Variants in ACO1 observed in about 807,000 individuals in gnomAD.
ACO1 encodes the protein aconitase 1, also known as cytoplasmic aconitate hydratase.
Under a neutral mutation model 105.1 loss-of-function variants are expected in ACO1, and 78 were observed. That is an observed-to-expected ratio of 0.74 (90% CI 0.62 to 0.90). The LOEUF is 0.90. ACO1 is among the 40% of genes least tolerant of loss of function. The probability of loss-of-function intolerance (pLI) is 0.00; values close to 1 mark genes in which losing one functional copy is unlikely to be tolerated. For missense variants in ACO1, 965 were observed against 1,111.1 expected, an observed-to-expected ratio of 0.87 and a Z score of 1.87; for synonymous variants, 364 against 397.4, an observed-to-expected ratio of 0.92 and a Z score of 1.00.
At chr9:32,405,930 T>C (rs928035261) in intron 2 of ACO1, among the ~76,000 whole-genome samples, 3 of 152,214 alleles carry the variant, frequency 2.0e-5, no homozygotes, top group Non-Finnish European at 2.9e-5. Flanking sequence ...CAATGACACA[T>C]GCTCAGATCA....
In ACO1 at chr9:32,452,965, C is replaced by CG. The variant is rs1554664982; in HGVS notation, c.*2854_*2855insG. On this transcript the variant is annotated 3_prime_UTR_variant, in exon 21 of 21. Coordinates refer to ENST00000309951, the MANE Select transcript of ACO1 (RefSeq NM_002197.3). ...TGAGACCCTATCAATCAATCACCAC[C>CG]CCCCCCCCCCCCAAAAAAAAAAGTA... 1 of 75,560 alleles carries CG rather than the reference C, an allele frequency of 1.3e-5. No homozygotes were observed. The highest frequency in any genetic ancestry group is 5.3e-4 in the East Asian group (1 of 1,894). The allele number at this position is 75,560 out of a possible 1,614,324, so 4.7% of individuals were successfully genotyped here.
chr9:32,429,564 A>G (rs1413319498), intron 13 of ACO1, 61 bp downstream of exon 13: 2 of 1,406,032 alleles, frequency 1.4e-6, no homozygotes, highest in Non-Finnish European at 1.0e-6. Context: ...TAATGTGACA[A>G]AAATGCTGAT....
chr9:32,388,697 GAT>G (rs1821204203), intron 1 of ACO1, among the ~76,000 whole-genome samples: 1 of 152,184 alleles, frequency 6.6e-6, no homozygotes, highest in South Asian at 2.1e-4. Context: ...ATGTTTAGAA[GAT>G]AGACCAGTAG....
chr9:32,430,722 A>G, intron 14 of ACO1, 148 bp downstream of exon 14: 1 of 886,018 alleles, frequency 1.1e-6, no homozygotes, highest in Non-Finnish European at 1.6e-6. Context: ...CCCAATATAC[A>G]GCTAAGACTT....
Position 32,418,391 on chromosome 9 carries a change from G to A in ACO1, c.538G>A (p.Val180Met), listed in dbSNP as rs759044295. The A allele has an allele frequency of 2.5e-6, 4 of 1,614,072 alleles. No homozygotes were observed. In the African/African-American group the frequency reaches 5.3e-5, roughly 22 times the overall value. ...CCCTGGCTCAGGAATCATCCACCAG[G>A]TGAATTTGGAATATTTGGCAAGAGT... ...IPPGSGIIHQ[V>M]NLEYLARVVF... is the part of the protein sequence containing the mutation. The change falls in exon 6 of 21, where the codon GTG becomes ATG. Residue 180 changes from valine to methionine, a missense_variant. By Grantham distance (21) the Val-to-Met change is conservative. Transcript: ENST00000309951.
At chr9:32,400,131 C>T (rs1050509346) in intron 1 of ACO1, among the ~76,000 whole-genome samples, 98 of 151,884 alleles carry the variant, frequency 6.5e-4, no homozygotes, top group African/African-American at 2.2e-3. Context: ...CCACCATGCC[C>T]GGCTAATTTT....
intron 18 of ACO1, among the ~76,000 whole-genome samples, chr9:32,440,253 G>A (rs1822446539): frequency 6.6e-6 from 1 of 150,386 alleles, no homozygotes; most frequent in South Asian, 2.1e-4. Context: ...AGACAATAGA[G>A]TGAAACTCTA....
intron 1 of ACO1, among the ~76,000 whole-genome samples, chr9:32,385,489 A>T (rs1821139848): frequency 1.3e-5 from 2 of 152,204 alleles, no homozygotes; most frequent in South Asian, 4.1e-4. Context: ...TGTAAGTAAG[A>T]CTGAGAAATT....
rs1046327042 is a variant in ACO1, at chr9:32,451,070, A to ATAAG, written c.*962_*965dup. On this transcript the variant is annotated 3_prime_UTR_variant, in exon 21 of 21. Transcript: ENST00000309951. ...GTAGCCTGGTGGCAGTGGCAACGAT[A>ATAAG]TAAGTACATAAGGAAAAGCAGATAA... 1.3e-5 allele frequency: 2 copies of ATAAG among 148,668 alleles called. No individual in the cohort carries two copies. Among genetic ancestry groups the ATAAG allele is most frequent in the African/African-American group, 5.0e-5 (2 of 39,740 alleles). The allele number at this position is 148,668 out of a possible 1,614,324, so 9.2% of individuals were successfully genotyped here.
At chr9:32,446,096 G>A (rs918824844) in intron 19 of ACO1, among the ~76,000 whole-genome samples, 1 of 152,270 alleles carries the variant, frequency 6.6e-6, no homozygotes, top group South Asian at 2.1e-4. Flanking sequence ...ACTGATTTGG[G>A]GTAGAGAGTT....
chr9:32,399,966 G>GTTTTTTTTTTTTT lies in ACO1; in HGVS notation c.-22-5509_-22-5497dup, dbSNP rs57615512. Among the ~76,000 whole-genome samples the GTTTTTTTTTTTTT allele has an allele frequency of 3.4e-4, 24 of 69,840 alleles. 1 individual carries two copies. Among genetic ancestry groups the GTTTTTTTTTTTTT allele is most frequent in the South Asian group, 5.8e-4 (1 of 1,736 alleles). The allele number at this position is 69,840 out of a possible 152,430, so 45.8% of individuals were successfully genotyped here. On this transcript the variant is annotated intron_variant, in intron 1 of 20. Coordinates refer to ENST00000309951, the MANE Select transcript of ACO1 (RefSeq NM_002197.3). ...ATTTCTTTTATTTTTTTCTTTTTCT[G>GTTTTTTTTTTTTT]TTTTTTTTTTTTTTTTTTTTTTGCG...
At position 32,448,384 on chromosome 9, in the gene ACO1, C is replaced by T. The variant is rs539608867; in HGVS notation, c.2371-512C>T. On this transcript the variant is annotated intron_variant, in intron 19 of 20. Transcript: ENST00000309951. Reference sequence around the variant, plus strand: ...CCGATGCCCCTCTGCCCACCAAGCTCGAGCATCCCAGGTCAACCTCAGACT... The same window carrying T: ...CCGATGCCCCTCTGCCCACCAAGCTTGAGCATCCCAGGTCAACCTCAGACT... Among the ~76,000 whole-genome samples the T allele has an allele frequency of 3.9e-5, 6 of 152,316 alleles. No individual in the cohort carries two copies. In the East Asian group the frequency reaches 5.8e-4, roughly 15 times the overall value.
At chr9:32,389,598 G>A (rs1381287064) in intron 1 of ACO1, among the ~76,000 whole-genome samples, 1 of 151,766 alleles carries the variant, frequency 6.6e-6, no homozygotes, top group Non-Finnish European at 1.5e-5. Flanking sequence ...TCTGACCTTG[G>A]CCTCGCCCTC....
intron 20 of ACO1, 148 bp from the exon 21 acceptor site, chr9:32,449,850 C>A: frequency 1.6e-6 from 1 of 636,312 alleles, no homozygotes; most frequent in Non-Finnish European, 2.9e-6. Context: ...TGGGTCTGGG[C>A]TGGGGCCAGC....
chr9:32,394,901 A>G (rs989320502), intron 1 of ACO1, among the ~76,000 whole-genome samples: 1 of 151,850 alleles, frequency 6.6e-6, no homozygotes, highest in Admixed American at 6.6e-5. Context: ...GTGGCTGGGT[A>G]TAGTTGGCCT....
chr9:32,419,750 A>G (rs1587534949), intron 7 of ACO1, among the ~76,000 whole-genome samples: 1 of 152,242 alleles, frequency 6.6e-6, no homozygotes, highest in African/African-American at 2.4e-5. Context: ...ATTGTAACAT[A>G]TATGTCACCA....
At position 32,408,533 on chromosome 9, in the gene ACO1, G is replaced by C; in HGVS notation, c.286G>C (p.Asp96His). The C allele has an allele frequency of 6.2e-7, 1 of 1,614,168 alleles. No individual in the cohort carries two copies. Among genetic ancestry groups the C allele is most frequent in the Non-Finnish European group, 8.5e-7 (1 of 1,180,012 alleles). ...TCTTAGGGGTGTGCCCGCTGTGGTT[G>C]ACTTTGCTGCAATGCGTGATGCTGT... ...QDFTGVPAVV[D>H]FAAMRDAVKK... Residue 96 changes from aspartate to histidine, a missense_variant, in exon 4 of 21, where the codon GAC becomes CAC. Physicochemically the swap from Asp to His is moderately conservative, Grantham distance 81. Transcript: ENST00000309951.
intron 2 of ACO1, 104 bp from the exon 3 acceptor site, chr9:32,407,157 G>T (rs1587522756): frequency 9.6e-7 from 1 of 1,042,470 alleles, no homozygotes; most frequent in Non-Finnish European, 1.4e-6. Context: ...CCTTGTGGAA[G>T]AATAGTCTGA....
intron 19 of ACO1, among the ~76,000 whole-genome samples, chr9:32,440,957 A>G (rs978009219): frequency 6.6e-6 from 1 of 152,192 alleles, no homozygotes; most frequent in African/African-American, 2.4e-5. Context: ...AAATTTATTC[A>G]GGTCCCTTGT....
Sources: gnomAD v4.1 joint callset for allele counts (sites outside exome capture counted in the v4.1 genomes callset) on GRCh38, gnomAD v4.1.1 for gene constraint, MANE v1.5 for transcripts, NCBI Gene and HGNC (gene_info 2026-07-23, HGNC 2026-07-21) for gene names.